The following HS3ST2 variants were observed in gnomAD, a reference collection of about 807,000 sequenced individuals.
HS3ST2 encodes heparan sulfate glucosamine 3-O-sulfotransferase 2.
Under a neutral mutation model 26.3 loss-of-function variants are expected in HS3ST2, and 17 were observed. The ratio of observed to expected loss-of-function variants is 0.65; its 90% CI spans 0.44 to 0.97. The LOEUF (loss-of-function observed/expected upper bound fraction) is 0.97. HS3ST2 is among the 50% of genes least tolerant of loss of function. HS3ST2 has a pLI of 0.00. For synonymous variants in HS3ST2, 237 were observed against 219.2 expected, an observed-to-expected ratio of 1.08 and a Z score of -0.72; for missense variants, 402 against 501.2, an observed-to-expected ratio of 0.80 and a Z score of 1.89.
At chr16:22,875,875 C>T (rs551343600) in intron 1 of HS3ST2, among the ~76,000 whole-genome samples, 2 of 152,268 alleles carry the variant, frequency 1.3e-5, no homozygotes, top group South Asian at 2.1e-4. Flanking sequence ...TATTTAGATA[C>T]ACAAATGGTT....
intron 1 of HS3ST2, among the ~76,000 whole-genome samples, chr16:22,876,230 A>T (rs1901914646): frequency 6.6e-6 from 1 of 152,208 alleles, no homozygotes; most frequent in South Asian, 2.1e-4. Context: ...AGAATCTATA[A>T]GGAAATCAAA....
chr16:22,883,564 T>G (rs1201098671), intron 1 of HS3ST2, among the ~76,000 whole-genome samples: 1 of 152,212 alleles, frequency 6.6e-6, no homozygotes, highest in Non-Finnish European at 1.5e-5. Context: ...GTCACTCTAG[T>G]GGCTATAATA....
chr16:22,874,307 C>T (rs961316598), intron 1 of HS3ST2, among the ~76,000 whole-genome samples: 2 of 152,076 alleles, frequency 1.3e-5, no homozygotes, highest in South Asian at 4.1e-4. Context: ...TCATATCAAC[C>T]CTAAAGATGA....
At chr16:22,816,934 G>A (rs1900879619) in intron 1 of HS3ST2, among the ~76,000 whole-genome samples, 1 of 152,082 alleles carries the variant, frequency 6.6e-6, no homozygotes, top group South Asian at 2.1e-4. Flanking sequence ...CCTATGCCCT[G>A]AACCCAGACT....
chr16:22,822,200 A>AT (rs930831076), intron 1 of HS3ST2, among the ~76,000 whole-genome samples: 7 of 151,470 alleles, frequency 4.6e-5, no homozygotes, highest in South Asian at 2.1e-4. Context: ...TATTTTCTTA[A>AT]TTTTTTTTTG....
chr16:22,901,334 A>T (rs1902279400), intron 1 of HS3ST2, among the ~76,000 whole-genome samples: 1 of 152,190 alleles, frequency 6.6e-6, no homozygotes, highest in Non-Finnish European at 1.5e-5. Context: ...CTGCCTTAAG[A>T]CCTTGCAATT....
At chr16:22,822,799 G>A (rs903870357) in intron 1 of HS3ST2, among the ~76,000 whole-genome samples, 7 of 150,816 alleles carry the variant, frequency 4.6e-5, no homozygotes, top group South Asian at 2.1e-4. Context: ...GGGTTGCAGT[G>A]AGTCAAGATA....
chr16:22,845,230 G>A (rs1219084264), intron 1 of HS3ST2, among the ~76,000 whole-genome samples: 1 of 148,220 alleles, frequency 6.7e-6, no homozygotes, highest in Admixed American at 6.6e-5. Flanking sequence ...AATATAGGGG[G>A]CAGTACAACT....
chr16:22,906,115 G>C (rs1462024025), intron 1 of HS3ST2, among the ~76,000 whole-genome samples: 1 of 152,154 alleles, frequency 6.6e-6, no homozygotes, highest in Non-Finnish European at 1.5e-5. Context: ...GCTCATGCCT[G>C]TAATCCCAGC....
intron 1 of HS3ST2, among the ~76,000 whole-genome samples, chr16:22,839,082 A>G (rs1288856286): frequency 6.6e-6 from 1 of 152,184 alleles, no homozygotes; most frequent in Non-Finnish European, 1.5e-5. Flanking sequence ...TCTCTCCTTC[A>G]CTGTATTGAA....
intron 1 of HS3ST2, among the ~76,000 whole-genome samples, chr16:22,839,174 C>T (rs554696159): frequency 2.0e-5 from 3 of 152,270 alleles, no homozygotes; most frequent in East Asian, 1.9e-4. Flanking sequence ...GAAAAGTGCT[C>T]GGCACATAAA....
At chr16:22,825,300 G>T (rs144722549) in intron 1 of HS3ST2, among the ~76,000 whole-genome samples, 1 of 152,178 alleles carries the variant, frequency 6.6e-6, no homozygotes, top group Non-Finnish European at 1.5e-5. Flanking sequence ...CATCTGTGGC[G>T]CATGAGAGGT....
chr16:22,910,396 G>A (rs1372414621), intron 1 of HS3ST2, among the ~76,000 whole-genome samples: 2 of 152,164 alleles, frequency 1.3e-5, no homozygotes, highest in Admixed American at 6.6e-5. Context: ...TAAATGCGCT[G>A]TTACACTTAT....
chr16:22,866,960 A>G (rs1901766413), intron 1 of HS3ST2, among the ~76,000 whole-genome samples: 1 of 152,238 alleles, frequency 6.6e-6, no homozygotes, highest in South Asian at 2.1e-4. Context: ...GGAAACCCCT[A>G]TGAAAAGAAC....
chr16:22,899,499 T>C (rs1283402097), intron 1 of HS3ST2, among the ~76,000 whole-genome samples: 2 of 152,308 alleles, frequency 1.3e-5, no homozygotes, highest in East Asian at 3.9e-4. Context: ...GAAATAGTCA[T>C]GCAGAGCTAG....
chr16:22,860,823 A>G (rs895786515), intron 1 of HS3ST2, among the ~76,000 whole-genome samples: 2 of 150,726 alleles, frequency 1.3e-5, no homozygotes, highest in East Asian at 1.9e-4. Flanking sequence ...CTTACAATAT[A>G]TGGTAGAATA....
chr16:22,817,227 CT>C (rs1306370006), intron 1 of HS3ST2, among the ~76,000 whole-genome samples: 1 of 152,166 alleles, frequency 6.6e-6, no homozygotes, highest in Non-Finnish European at 1.5e-5. Context: ...TTCTCTCCCC[CT>C]CTACCACCTT....
intron 1 of HS3ST2, among the ~76,000 whole-genome samples, chr16:22,885,532 G>A (rs137954254): frequency 8.4e-4 from 127 of 150,836 alleles, no homozygotes; most frequent in Middle Eastern, 3.4e-3. Flanking sequence ...CTCGGCTCAC[G>A]GCAACCTCCG....
At chr16:22,829,842 T>A (rs1013955816) in intron 1 of HS3ST2, among the ~76,000 whole-genome samples, 2 of 152,200 alleles carry the variant, frequency 1.3e-5, no homozygotes, top group African/African-American at 2.4e-5. Context: ...CTGTCTTGGG[T>A]CCTGCTTCCC....
Sources: gnomAD v4.1 joint callset for allele counts (sites outside exome capture counted in the v4.1 genomes callset) on GRCh38, gnomAD v4.1.1 for gene constraint, MANE v1.5 for transcripts, NCBI Gene and HGNC (gene_info 2026-07-23, HGNC 2026-07-21) for gene names.